The following PLCE1 variants were observed in gnomAD, a reference collection of about 807,000 sequenced individuals.
PLCE1 encodes phospholipase C epsilon 1.
Under a neutral mutation model 242.8 loss-of-function variants are expected in PLCE1, and 119 were observed. The ratio of observed to expected loss-of-function variants is 0.49; its 90% confidence interval spans 0.42 to 0.57. The LOEUF (loss-of-function observed/expected upper bound fraction) is 0.57, where lower values mean the gene tolerates loss of function less well. Ranked by LOEUF, PLCE1 falls within the 20% of genes least tolerant of loss-of-function variation. PLCE1 has a pLI of 0.00. For missense variants in PLCE1, 2,441 were observed against 2,788.8 expected (o/e 0.88, Z 2.81); for synonymous variants, 945 against 1,017.4 (o/e 0.93, Z 1.35).
chr10:94,262,043 C>T (rs1461871171), intron 13 of PLCE1, among the ~76,000 whole-genome samples: 6 of 150,954 alleles, frequency 4.0e-5, no homozygotes, highest in African/African-American at 1.5e-4. Context: ...CTCTGTTGCC[C>T]AGGCTAGAGT....
intron 3 of PLCE1, among the ~76,000 whole-genome samples, chr10:94,156,175 T>G (rs1047927843): frequency 6.6e-6 from 1 of 151,936 alleles, no homozygotes; most frequent in Non-Finnish European, 1.5e-5. Context: ...ATGTGTGGGG[T>G]TTTCCATACC....
At chr10:94,199,617 A>T (rs1182256912) in intron 4 of PLCE1, among the ~76,000 whole-genome samples, 1 of 152,246 alleles carries the variant, frequency 6.6e-6, no homozygotes, top group Admixed American at 6.5e-5. Flanking sequence ...AGTTATAACA[A>T]GTCTTAGACG....
At chr10:94,168,707 G>A (rs977045986) in intron 3 of PLCE1, among the ~76,000 whole-genome samples, 1 of 152,042 alleles carries the variant, frequency 6.6e-6, no homozygotes, top group Non-Finnish European at 1.5e-5. Flanking sequence ...TTTGCATATT[G>A]TATTACATTA....
rs35048796 is a variant in PLCE1, at chr10:94,271,306, C to CTT, written c.4506+729_4506+730dup. Among the ~76,000 whole-genome samples the CTT allele has an allele frequency of 1.3e-3, 97 of 73,314 alleles. 3 individuals are homozygous for CTT. Among genetic ancestry groups the CTT allele is most frequent in the Middle Eastern group, 9.6e-3 (1 of 104 alleles). The allele number at this position is 73,314 out of a possible 152,430, so 48.1% of individuals were successfully genotyped here. ...GTCAAATCTTATAGGAGAAGATCATCTTTTTTTTTTTTTTTTTTTTTTTTT... is the reference window on the plus strand; with the variant it reads ...GTCAAATCTTATAGGAGAAGATCATCTTTTTTTTTTTTTTTTTTTTTTTTTTT... On this transcript the variant is annotated intron_variant, in intron 18 of 32. Transcript: ENST00000371380.
chr10:94,135,649 A>C (rs2046747180), intron 3 of PLCE1, among the ~76,000 whole-genome samples: 1 of 152,232 alleles, frequency 6.6e-6, no homozygotes, highest in African/African-American at 2.4e-5. Flanking sequence ...TCTGTAACCC[A>C]TAACACAGTT....
chr10:94,254,026 T>C (rs113808344), intron 9 of PLCE1, among the ~76,000 whole-genome samples, 164 bp from the exon 10 acceptor site: 1 of 152,256 alleles, frequency 6.6e-6, no homozygotes, highest in Non-Finnish European at 1.5e-5. Context: ...TGAAATAATA[T>C]GACATGAGAA....
intron 2 of PLCE1, among the ~76,000 whole-genome samples, chr10:94,096,027 T>A (rs1296894998): frequency 1.3e-5 from 2 of 152,126 alleles, no homozygotes; most frequent in African/African-American, 4.8e-5. Flanking sequence ...GTGATCTACA[T>A]ACATCCTTAT....
chr10:94,180,670 C>T (rs1055593718), intron 4 of PLCE1, among the ~76,000 whole-genome samples: 3 of 152,190 alleles, frequency 2.0e-5, no homozygotes, highest in Admixed American at 6.5e-5. Context: ...TGTGTTTACT[C>T]CAAAACTCAG....
chr10:94,255,977 C>A (rs1486103083), intron 11 of PLCE1, among the ~76,000 whole-genome samples: 2 of 150,598 alleles, frequency 1.3e-5, no homozygotes, highest in African/African-American at 4.9e-5. Flanking sequence ...CCCTCTCTCC[C>A]CACGCCCCTC....
At chr10:94,208,381 A>G (rs546819350) in intron 4 of PLCE1, among the ~76,000 whole-genome samples, 1 of 152,374 alleles carries the variant, frequency 6.6e-6, no homozygotes, top group African/African-American at 2.4e-5. Context: ...TAAGGCCTGT[A>G]ATCTTTGAAA....
At chr10:94,179,530 T>TTTTTTTTTTTTTTTTTTTTTTTGA (rs10636243) in intron 4 of PLCE1, among the ~76,000 whole-genome samples, 7 of 118,822 alleles carry the variant, frequency 5.9e-5, no homozygotes, top group African/African-American at 9.7e-5. Flanking sequence ...TTTTTTTTTT[T>TTTTTTTTTTTTTTTTTTTTTTTGA]GACAGGGTCT....
chr10:94,234,326 G>T lies in PLCE1; in HGVS notation c.2214+14G>T. 6.2e-7 allele frequency: 1 copy of T among 1,613,046 alleles called. No homozygotes were observed. The highest frequency in any genetic ancestry group is 8.5e-7 in the Non-Finnish European group (1 of 1,179,906). The stretch of plus-strand genomic sequence containing the variant: ...GAAACTTTAGAGGTAAGGCCTTTCA[G>T]AATCATCGTGGCCTGAAGAGCCACT... On this transcript the variant is annotated intron_variant, in intron 6 of 32. Transcript: ENST00000371380.
At chr10:94,285,707 C>G (rs117291746) in intron 22 of PLCE1, among the ~76,000 whole-genome samples, 2,511 of 152,216 alleles carry the variant, frequency 0.016, 25 homozygotes, top group South Asian at 0.04. Context: ...ATCACTGTGG[C>G]CAGGAGATGC....
intron 4 of PLCE1, among the ~76,000 whole-genome samples, chr10:94,219,778 TA>T (rs376348890): frequency 6.6e-6 from 1 of 152,112 alleles, no homozygotes; most frequent in Non-Finnish European, 1.5e-5. Context: ...CAGGTAACAG[TA>T]AAAAATTAAT....
At chr10:94,256,464 A>C (rs2051105906) in intron 11 of PLCE1, among the ~76,000 whole-genome samples, 1 of 152,202 alleles carries the variant, frequency 6.6e-6, no homozygotes. Context: ...TATGCTTTAT[A>C]CATTCACATT....
At chr10:94,258,610 GA>G (rs1363116171) in intron 11 of PLCE1, among the ~76,000 whole-genome samples, 189 bp from the exon 12 acceptor site, 3 of 152,124 alleles carry the variant, frequency 2.0e-5, no homozygotes, top group Non-Finnish European at 2.9e-5. Flanking sequence ...TTTTCACATA[GA>G]ACATGTTTTA....
intron 2 of PLCE1, among the ~76,000 whole-genome samples, chr10:94,080,174 T>A (rs1005987726): frequency 6.6e-6 from 1 of 152,172 alleles, no homozygotes; most frequent in Non-Finnish European, 1.5e-5. Context: ...TAGTCCCTCA[T>A]TTAAATGCCC....
chr10:94,206,906 A>C (rs1486757351), intron 4 of PLCE1, among the ~76,000 whole-genome samples: 1 of 152,270 alleles, frequency 6.6e-6, no homozygotes, highest in East Asian at 1.9e-4. Context: ...ACAACTTTAA[A>C]GTACAGCTGT....
intron 1 of PLCE1, among the ~76,000 whole-genome samples, chr10:94,017,050 G>A (rs149622281): frequency 1.6e-3 from 243 of 152,270 alleles, no homozygotes; most frequent in African/African-American, 5.6e-3. Context: ...CAGGTCCTGG[G>A]ATTTGCTCCA....
Sources: allele counts gnomAD v4.1 joint callset (sites outside exome capture counted in the v4.1 genomes callset), GRCh38; gene constraint gnomAD v4.1.1; transcripts MANE v1.5; gene names NCBI Gene and HGNC (gene_info 2026-07-23, HGNC 2026-07-21).